NLGN1: variants seen among roughly 807,000 people sequenced by gnomAD.
NLGN1 encodes the protein neuroligin 1, also known as neuroligin-1.
In NLGN1, 12 loss-of-function variants were observed where a neutral mutation model predicts 65.5. The ratio of observed to expected loss-of-function variants is 0.18; its 90% confidence interval spans 0.12 to 0.30. The LOEUF is 0.30. NLGN1 is among the 10% of genes least tolerant of loss of function. The pLI is 1.00. For synonymous variants in NLGN1, 350 were observed against 359.5 expected (o/e 0.97, Z 0.30); for missense variants, 750 against 1,007.1 (o/e 0.74, Z 3.46).
At chr3:173,554,539 C>T (rs1741408291) in intron 2 of NLGN1, among the ~76,000 whole-genome samples, 1 of 152,196 alleles carries the variant, frequency 6.6e-6, no homozygotes, top group Non-Finnish European at 1.5e-5. Flanking sequence ...AATTTTGCTT[C>T]TTCTAGAACT....
At chr3:174,044,165 G>T (rs775455070) in intron 4 of NLGN1, among the ~76,000 whole-genome samples, 17 of 152,118 alleles carry the variant, frequency 1.1e-4, no homozygotes, top group Non-Finnish European at 2.2e-4. Context: ...GGGAGCCCTG[G>T]GCCTGGCCCA....
chr3:174,234,814 T>C (rs1741370941), intron 4 of NLGN1, among the ~76,000 whole-genome samples: 1 of 152,092 alleles, frequency 6.6e-6, no homozygotes, highest in South Asian at 2.1e-4. Flanking sequence ...CAGTTATGCT[T>C]TTAGCACCAA....
intron 4 of NLGN1, among the ~76,000 whole-genome samples, chr3:173,945,841 A>G (rs1203313139): frequency 2.6e-5 from 4 of 152,146 alleles, no homozygotes; most frequent in Non-Finnish European, 5.9e-5. Context: ...CTTCCACTCT[A>G]TATGTTGCAT....
At chr3:173,956,633 A>G (rs1047170683) in intron 4 of NLGN1, among the ~76,000 whole-genome samples, 3 of 152,012 alleles carry the variant, frequency 2.0e-5, no homozygotes, top group African/African-American at 7.2e-5. Context: ...CTGCCACTGT[A>G]TGGTTGAGTA....
At chr3:173,698,141 T>C (rs1022043272) in intron 3 of NLGN1, among the ~76,000 whole-genome samples, 50 of 152,338 alleles carry the variant, frequency 3.3e-4, no homozygotes, top group African/African-American at 1.2e-3. Context: ...GGAAAATCAC[T>C]GTTCTGTTGC....
At chr3:173,522,182 G>A (rs74495221) in intron 2 of NLGN1, among the ~76,000 whole-genome samples, 9,703 of 152,192 alleles carry the variant, frequency 0.064, 431 homozygotes, top group Middle Eastern at 0.18. Flanking sequence ...CCTCCCACTT[G>A]TAGATGAGAA....
At chr3:173,471,710 G>T (rs1725343852) in intron 2 of NLGN1, among the ~76,000 whole-genome samples, 1 of 151,990 alleles carries the variant, frequency 6.6e-6, no homozygotes, top group African/African-American at 2.4e-5. Context: ...ATTAAGGATG[G>T]AATATCAACA....
intron 4 of NLGN1, among the ~76,000 whole-genome samples, chr3:174,025,349 CATAA>C (rs1579842566): frequency 6.6e-6 from 1 of 151,974 alleles, no homozygotes; most frequent in Non-Finnish European, 1.5e-5. Context: ...ATTGTCAAAA[CATAA>C]ATAAATTAAG....
intron 4 of NLGN1, among the ~76,000 whole-genome samples, chr3:174,007,175 C>CT (rs1200514201): frequency 6.6e-6 from 1 of 152,140 alleles, no homozygotes; most frequent in African/African-American, 2.4e-5. Context: ...TGACCATCTG[C>CT]AAGCCAAGAA....
chr3:173,423,546 A>C (rs951690609), intron 1 of NLGN1, among the ~76,000 whole-genome samples: 1 of 152,160 alleles, frequency 6.6e-6, no homozygotes, highest in Non-Finnish European at 1.5e-5. Flanking sequence ...TGACCAAAAA[A>C]AAAGGGGACA....
chr3:174,165,576 G>C (rs540897755), intron 4 of NLGN1, among the ~76,000 whole-genome samples: 18 of 152,144 alleles, frequency 1.2e-4, no homozygotes, highest in African/African-American at 4.3e-4. Flanking sequence ...TTAGCTTTTT[G>C]ATGTGCTGTT....
chr3:174,260,705 A>T (rs939257557), intron 4 of NLGN1, among the ~76,000 whole-genome samples: 2 of 146,780 alleles, frequency 1.4e-5, no homozygotes, highest in African/African-American at 5.1e-5. Flanking sequence ...CCCATTTGTC[A>T]ATTTTGGCTT....
intron 2 of NLGN1, among the ~76,000 whole-genome samples, chr3:173,503,239 A>G (rs960917114): frequency 6.6e-6 from 1 of 152,126 alleles, no homozygotes; most frequent in African/African-American, 2.4e-5. Context: ...AAGTAAATAT[A>G]TAAGAATTCT....
chr3:173,463,757 C>T (rs140004546), intron 2 of NLGN1, among the ~76,000 whole-genome samples: 78 of 152,194 alleles, frequency 5.1e-4, no homozygotes, highest in African/African-American at 1.9e-3. Flanking sequence ...AATGAAGGAG[C>T]AGATATGGCA....
At chr3:173,949,738 G>C (rs1333271094) in intron 4 of NLGN1, among the ~76,000 whole-genome samples, 1 of 152,148 alleles carries the variant, frequency 6.6e-6, no homozygotes, top group South Asian at 2.1e-4. Flanking sequence ...AAATTAAATA[G>C]AACCAGAATT....
At chr3:174,020,061 T>G (rs2152456635) in intron 4 of NLGN1, among the ~76,000 whole-genome samples, 1 of 152,262 alleles carries the variant, frequency 6.6e-6, no homozygotes, top group South Asian at 2.1e-4. Context: ...TCTTGTATTT[T>G]AATGCACACT....
At chr3:174,275,343 A>G in exon 5 of NLGN1, 3 of 1,612,584 alleles carry the variant, frequency 1.9e-6, no homozygotes, top group Non-Finnish European at 2.5e-6. Flanking sequence ...ATCAGGCTGC[A>G]AAGGGGAACT....
chr3:173,858,070 T>C (rs2150781168), intron 4 of NLGN1, among the ~76,000 whole-genome samples: 1 of 151,820 alleles, frequency 6.6e-6, no homozygotes, highest in South Asian at 2.1e-4. Flanking sequence ...AGTATTGTCC[T>C]ATACAAAACC....
intron 2 of NLGN1, among the ~76,000 whole-genome samples, chr3:173,597,802 A>G (rs1323129847): frequency 2.0e-5 from 1 of 50,908 alleles, no homozygotes; most frequent in Non-Finnish European, 7.0e-5. Context: ...AAAATGTCTT[A>G]TAAATACTGA....
Sources: allele counts gnomAD v4.1 joint callset (sites outside exome capture counted in the v4.1 genomes callset), GRCh38; gene constraint gnomAD v4.1.1; transcripts MANE v1.5; gene names NCBI Gene and HGNC (gene_info 2026-07-23, HGNC 2026-07-21).